TOX2: variants seen among roughly 807,000 people sequenced by gnomAD.
The protein encoded by TOX2 is granulosa cell HMG box 1.
In TOX2, 15 loss-of-function variants were observed where a neutral mutation model predicts 47.4. The observed-to-expected ratio is 0.32, with a 90% CI of 0.21 to 0.49. TOX2 has a LOEUF of 0.49. Ranked by LOEUF, TOX2 falls within the 20% of genes least tolerant of loss-of-function variation. The probability of loss-of-function intolerance (pLI) is 0.99; values close to 1 mark genes in which losing one functional copy is unlikely to be tolerated. For missense variants in TOX2, 622 were observed against 673.1 expected (o/e 0.92, Z 0.84); for synonymous variants, 290 against 296.6 (o/e 0.98, Z 0.23).
intron 3 of TOX2, among the ~76,000 whole-genome samples, chr20:44,019,772 T>C (rs966770233): frequency 5.9e-5 from 9 of 152,202 alleles, no homozygotes; most frequent in Non-Finnish European, 1.3e-4. Context: ...AAGCCTGGGT[T>C]TAACTTCCTG....
At chr20:44,043,718 T>C (rs921890363) in intron 3 of TOX2, among the ~76,000 whole-genome samples, 3 of 152,238 alleles carry the variant, frequency 2.0e-5, no homozygotes, top group African/African-American at 7.2e-5. Flanking sequence ...TTTGTTGTAA[T>C]GCATAACTTT....
intron 2 of TOX2, among the ~76,000 whole-genome samples, chr20:43,995,961 C>A (rs1315693202): frequency 6.6e-6 from 1 of 152,110 alleles, no homozygotes; most frequent in South Asian, 2.1e-4. Flanking sequence ...TGTGAATAGT[C>A]CTGCAATGAA....
rs963600353 is a variant in TOX2 at position 44,064,777 on chromosome 20, G to A, written c.880G>A (p.Ala294Thr). The change falls in exon 6 of 9, where the codon GCC becomes ACC. Residue 294 changes from alanine to threonine, a missense_variant and splice_region_variant. Physicochemically the swap from Ala to Thr is moderately conservative, Grantham distance 58 (BLOSUM62 0). Transcript: ENST00000341197. ...GTTGCTCATGTGTTGACTCTTCCAG[G>A]CCTACAAGAGGAAGACAGAAGCAGC... The part of the protein sequence containing the change: ...WDSLGEEQKQ[A>T]YKRKTEAAKK... 3.1e-6 allele frequency: 5 copies of A among 1,614,036 alleles called. No individual in the cohort carries two copies. Among genetic ancestry groups the A allele is most frequent in the Non-Finnish European group, 4.2e-6 (5 of 1,179,974 alleles).
intron 3 of TOX2, among the ~76,000 whole-genome samples, chr20:44,035,240 G>A (rs931636853): frequency 4.6e-5 from 7 of 152,194 alleles, no homozygotes; most frequent in Non-Finnish European, 7.3e-5. Context: ...GGCTCCCCAT[G>A]GGTCTGGGAG....
intron 5 of TOX2, among the ~76,000 whole-genome samples, chr20:44,058,259 C>G (rs533882404): frequency 6.6e-6 from 1 of 152,210 alleles, no homozygotes; most frequent in African/African-American, 2.4e-5. Context: ...GAAATAAACT[C>G]GGTGCTGTTG....
chr20:44,063,293 AC>A (rs1291100922), intron 5 of TOX2, among the ~76,000 whole-genome samples: 1 of 152,234 alleles, frequency 6.6e-6, no homozygotes, highest in African/African-American at 2.4e-5. Context: ...CAAGAAAAAA[AC>A]AATCCCATCA....
chr20:43,976,233 G>A (rs916995584), intron 2 of TOX2, among the ~76,000 whole-genome samples: 4 of 152,216 alleles, frequency 2.6e-5, no homozygotes, highest in Non-Finnish European at 5.9e-5. Flanking sequence ...GTTTAACTGA[G>A]TTCAGTTGGG....
rs1353434162 is a variant in TOX2 at position 44,040,049 on chromosome 20, T to C, written c.412-11257T>C. Among the ~76,000 whole-genome samples, 3 of 152,172 alleles carry C rather than the reference T, an allele frequency of 2.0e-5. No homozygotes were observed. In the East Asian group the frequency reaches 5.8e-4, roughly 29 times the overall value. On this transcript the variant is annotated intron_variant, in intron 3 of 8. Coordinates refer to ENST00000341197, the MANE Select transcript of TOX2 (RefSeq NM_001098797.2). ...TGGGGCAGCGGGGTGTGGGTTCTGA[T>C]TGGAGTAGGGGTCTCGTGAGCTGGT...
In TOX2 at chr20:43,998,648, T is replaced by C. The variant is rs145536134; in HGVS notation, c.166-7899T>C. Among the ~76,000 whole-genome samples the C allele has an allele frequency of 6.6e-3, 1,002 of 152,354 alleles. 8 individuals carry two copies. The highest frequency in any genetic ancestry group is 1.0e-2 in the Non-Finnish European group (679 of 68,030). On this transcript the variant is annotated intron_variant, in intron 2 of 8. Transcript: ENST00000341197. ...CTTAAGTGTTCCTTTTGATATTTTT[T>C]AGTGCTTTTTTGCCCTGATTTGTAC...
intron 1 of TOX2, among the ~76,000 whole-genome samples, chr20:43,939,536 C>G (rs1283684216): frequency 6.6e-6 from 1 of 152,166 alleles, no homozygotes; most frequent in Non-Finnish European, 1.5e-5. Flanking sequence ...GATGCCAAGA[C>G]TAGTGAGGCA....
At chr20:43,927,641 T>TTCCC (rs2069190835) in intron 1 of TOX2, among the ~76,000 whole-genome samples, 1 of 111,472 alleles carries the variant, frequency 9.0e-6, no homozygotes, top group South Asian at 2.9e-4. Flanking sequence ...CCTTCCTTCC[T>TTCCC]CCCCTTCCCT....
chr20:43,929,978 G>A (rs1017546797), intron 1 of TOX2, among the ~76,000 whole-genome samples: 1 of 152,192 alleles, frequency 6.6e-6, no homozygotes, highest in Non-Finnish European at 1.5e-5. Flanking sequence ...GAAGCGCTGG[G>A]ATTACAGACG....
chr20:44,043,813 A>C (rs1001569069), intron 3 of TOX2, among the ~76,000 whole-genome samples: 5 of 152,260 alleles, frequency 3.3e-5, no homozygotes, highest in Admixed American at 6.5e-5. Context: ...TGAGGAATCC[A>C]GTAAGATATG....
At chr20:44,010,372 C>T (rs1423036216) in intron 3 of TOX2, among the ~76,000 whole-genome samples, 1 of 152,194 alleles carries the variant, frequency 6.6e-6, no homozygotes, top group African/African-American at 2.4e-5. Context: ...TAAGAGGCTT[C>T]ACAAATTCAG....
intron 2 of TOX2, among the ~76,000 whole-genome samples, chr20:44,003,307 C>T (rs1468075103): frequency 6.6e-6 from 1 of 151,900 alleles, no homozygotes; most frequent in East Asian, 1.9e-4. Context: ...CACCTCAGCC[C>T]CCGAAGTAGC....
intron 3 of TOX2, among the ~76,000 whole-genome samples, chr20:44,027,686 C>T (rs540709751): frequency 1.3e-5 from 2 of 152,316 alleles, no homozygotes; most frequent in African/African-American, 4.8e-5. Context: ...TTGACTTCAG[C>T]CAGTGCCTAG....
rs183964334 is a variant in TOX2 at position 44,025,153 on chromosome 20, A to T, written c.411+18361A>T. On this transcript the variant is annotated intron_variant, in intron 3 of 8. Coordinates refer to ENST00000341197, the MANE Select transcript of TOX2 (RefSeq NM_001098797.2). ...TTGGGAGTGGTGAAAAGGATTTTTT[A>T]AAAAATTTTATTATTATTATATTTT... 8.5e-4 allele frequency among the ~76,000 whole-genome samples: 129 copies of T among 152,226 alleles called. 3 individuals are homozygous for T. In the East Asian group the frequency reaches 0.016, roughly 19 times the overall value.
At chr20:43,979,291 C>T (rs938859442) in intron 2 of TOX2, among the ~76,000 whole-genome samples, 14 of 151,972 alleles carry the variant, frequency 9.2e-5, no homozygotes, top group South Asian at 2.1e-4. Flanking sequence ...GAGGGAAGAA[C>T]GAGAAGAGCA....
chr20:43,958,901 C>T (rs974564374), intron 1 of TOX2, among the ~76,000 whole-genome samples: 12 of 152,234 alleles, frequency 7.9e-5, no homozygotes, highest in Non-Finnish European at 1.5e-4. Context: ...CATTATTTAT[C>T]TTAGTGGGTC....
Sources: gnomAD v4.1 joint callset for allele counts (sites outside exome capture counted in the v4.1 genomes callset) on GRCh38, gnomAD v4.1.1 for gene constraint, MANE v1.5 for transcripts, NCBI Gene and HGNC (gene_info 2026-07-23, HGNC 2026-07-21) for gene names.